POMGNT1: variants seen among roughly 807,000 people sequenced by gnomAD.
POMGNT1 encodes protein O-linked mannose N-acetylglucosaminyltransferase 1 (beta 1,2-).
In POMGNT1, 67 loss-of-function variants were observed where a neutral mutation model predicts 95.6. That is an observed-to-expected ratio of 0.70 (90% CI 0.58 to 0.86). The LOEUF (loss-of-function observed/expected upper bound fraction) is 0.86, where lower values mean the gene tolerates loss of function less well. Among genes scored for constraint, POMGNT1 ranks in the 40% least tolerant of loss-of-function variants. The pLI, the probability that POMGNT1 is intolerant of heterozygous loss-of-function variation, is 0.00. For synonymous variants in POMGNT1, 298 were observed against 317.9 expected, an observed-to-expected ratio of 0.94 and a Z score of 0.66; for missense variants, 719 against 855.2, an observed-to-expected ratio of 0.84 and a Z score of 1.99.
chr1:46,189,201 G>A lies in POMGNT1; in HGVS notation c.*69C>T. ...CTACCAGCATCTACAAAATCCTACA[G>A]GATGGAGGGAAGGGCTAGCCAGCCT... On this transcript the variant is annotated 3_prime_UTR_variant, in exon 22 of 22. Coordinates refer to ENST00000371984, the MANE Select transcript of POMGNT1 (RefSeq NM_017739.4). 1 of 1,559,934 alleles carries A rather than the reference G, an allele frequency of 6.4e-7. No homozygotes were observed. Among genetic ancestry groups the A allele is most frequent in the Middle Eastern group, 1.7e-4 (1 of 5,748 alleles).
At chr1:46,194,495 G>T in intron 8 of POMGNT1, 58 bp downstream of exon 8, 8 of 1,614,120 alleles carry the variant, frequency 5.0e-6, no homozygotes, top group Non-Finnish European at 6.8e-6. Context: ...TCCACAGAGA[G>T]ATCTAAATGC....
intron 1 of POMGNT1, among the ~76,000 whole-genome samples, chr1:46,211,191 T>G (rs1658882950): frequency 1.3e-5 from 2 of 152,176 alleles, no homozygotes; most frequent in Admixed American, 1.3e-4. Context: ...AAAGCCTGTC[T>G]GTTTAGATTC....
Position 46,188,759 on chromosome 1 carries a change from G to C in POMGNT1, c.*511C>G. 1.2e-6 allele frequency: 2 copies of C among 1,612,542 alleles called. No homozygotes were observed. The highest frequency in any genetic ancestry group is 1.7e-6 in the Non-Finnish European group (2 of 1,179,662). On this transcript the variant is annotated 3_prime_UTR_variant, in exon 22 of 22. Transcript: ENST00000371984. Reference sequence around the variant, plus strand: ...AATCTGGACAAAGAGAAGGCTGAGAGGAGGCCTGGTCCAGTGTCTAAGGGT... The same window carrying C: ...AATCTGGACAAAGAGAAGGCTGAGACGAGGCCTGGTCCAGTGTCTAAGGGT...
At chr1:46,205,718 C>A (rs1041820167) in intron 1 of POMGNT1, among the ~76,000 whole-genome samples, 1 of 152,224 alleles carries the variant, frequency 6.6e-6, no homozygotes, top group Non-Finnish European at 1.5e-5. Flanking sequence ...AGGGAGCCTT[C>A]TGGGGCCAGA....
Position 46,188,708 on chromosome 1 carries a change from C to T in POMGNT1, c.*562G>A, listed in dbSNP as rs1657504735. ...CCCAGAGGGCTTCTCCTTTTTTAAT[C>T]AATGACCAACTTATCCAGCTTTGGA... On this transcript the variant is annotated 3_prime_UTR_variant, in exon 22 of 22. Transcript: ENST00000371984. The T allele has an allele frequency of 4.4e-6, 7 of 1,596,956 alleles. No individual in the cohort carries two copies. The highest frequency in any genetic ancestry group is 6.0e-6 in the Non-Finnish European group (7 of 1,169,610).
intron 1 of POMGNT1, among the ~76,000 whole-genome samples, chr1:46,208,429 G>C (rs1462531443): frequency 1.3e-5 from 2 of 152,146 alleles, no homozygotes; most frequent in African/African-American, 4.8e-5. Flanking sequence ...ATAAATATTG[G>C]TTCCATAACT....
chr1:46,188,911 G>A lies in POMGNT1; in HGVS notation c.*359C>T, dbSNP rs1308180916. ...CATTCCAGCCCAAAAAGAAATCCAG[G>A]CCCTCCAGGTTCGGCCTGTTTTCAA... On this transcript the variant is annotated 3_prime_UTR_variant, in exon 22 of 22. Coordinates refer to ENST00000371984, the MANE Select transcript of POMGNT1 (RefSeq NM_017739.4). 1.2e-6 allele frequency: 2 copies of A among 1,612,674 alleles called. No individual in the cohort carries two copies. Among genetic ancestry groups the A allele is most frequent in the Non-Finnish European group, 8.5e-7 (1 of 1,179,898 alleles).
intron 1 of POMGNT1, among the ~76,000 whole-genome samples, chr1:46,209,440 AG>A (rs1658823957): frequency 1.3e-5 from 2 of 152,316 alleles, no homozygotes; most frequent in Admixed American, 1.3e-4. Flanking sequence ...AATGTTTAAA[AG>A]TCATATTCTA....
chr1:46,197,672 CGGT>C (rs1658351041), intron 2 of POMGNT1, 27 bp downstream of exon 2: 4 of 1,613,514 alleles, frequency 2.5e-6, no homozygotes, highest in Admixed American at 1.7e-5. Context: ...AGGGAGCGCT[CGGT>C]GGGGAGGGTT....
chr1:46,210,713 C>T (rs1323056145), intron 1 of POMGNT1, among the ~76,000 whole-genome samples: 1 of 152,168 alleles, frequency 6.6e-6, no homozygotes, highest in Non-Finnish European at 1.5e-5. Context: ...TCTGTGCTCT[C>T]CCTGGGTGCA....
intron 1 of POMGNT1, among the ~76,000 whole-genome samples, chr1:46,209,549 C>CTTTTTTTTTTTTT (rs397745964): frequency 1.6e-5 from 2 of 127,544 alleles, no homozygotes; most frequent in African/African-American, 3.0e-5. Context: ...TTTTTTTTTT[C>CTTTTTTTTTTTTT]TTTTTTTTTT....
chr1:46,193,038 C>A, intron 13 of POMGNT1, 80 bp from the exon 14 acceptor site: 1 of 1,603,300 alleles, frequency 6.2e-7, no homozygotes, highest in Non-Finnish European at 8.5e-7. Flanking sequence ...CCTCTTCTTG[C>A]AGGCAGCATT....
At chr1:46,194,715 C>T (rs905616088) in intron 7 of POMGNT1, 64 bp from the exon 8 acceptor site, 3 of 1,614,032 alleles carry the variant, frequency 1.9e-6, no homozygotes, top group African/African-American at 2.7e-5. Context: ...TTTTTCCCAT[C>T]TCCCTGCCTA....
chr1:46,201,715 GAAAA>G (rs1361582112), upstream of POMGNT1, among the ~76,000 whole-genome samples: 15 of 141,250 alleles, frequency 1.1e-4, no homozygotes. Flanking sequence ...AAAAAAAAAA[GAAAA>G]AAGAAAGAAA....
rs17102064 is a variant in POMGNT1, at chr1:46,189,685, T to G, written c.1786-118A>C. The stretch of plus-strand genomic sequence containing the variant: ...AGAAACCACCTCAATTTGTAAGAGA[T>G]AGCATCTTTTAGAATATGAATTTGG... On this transcript the variant is annotated intron_variant, in intron 20 of 21. Transcript: ENST00000371984. The G allele has an allele frequency of 4.2e-3, 6,496 of 1,545,606 alleles. 184 individuals carry two copies. The African/African-American group carries it at 0.066, about 16-fold the overall frequency.
chr1:46,203,486 C>G, intron 1 of POMGNT1: 1 of 1,530,736 alleles, frequency 6.5e-7, no homozygotes, highest in South Asian at 1.2e-5. Context: ...GTAAGGTGGG[C>G]AGGAAGACCC....
At chr1:46,193,047 T>C in intron 13 of POMGNT1, 89 bp from the exon 14 acceptor site, 1 of 1,602,926 alleles carries the variant, frequency 6.2e-7, no homozygotes, top group South Asian at 1.1e-5. Flanking sequence ...GCAGGCAGCA[T>C]TACCCCCATT....
In POMGNT1 at chr1:46,219,912, C is replaced by T. The variant is rs138998814; in HGVS notation, c.-258G>A. 3.0e-5 allele frequency: 48 copies of T among 1,613,968 alleles called. No homozygotes were observed. The Admixed American group carries it at 4.7e-4, about 16-fold the overall frequency. On this transcript the variant is annotated 5_prime_UTR_variant, in exon 1 of 23. Coordinates refer to the POMGNT1 transcript ENST00000371992. ...CCTGCCAGACACCAGCACCACCGAC[C>T]GGCTGGACAGTGTCTCTATTGGCAG...
At chr1:46,203,727 C>CA in intron 1 of POMGNT1, 1 of 1,141,316 alleles carries the variant, frequency 8.8e-7, no homozygotes, top group Non-Finnish European at 1.2e-6. Context: ...GTAGTTAAAA[C>CA]TCTCCACCTA....
Sources: allele counts gnomAD v4.1 joint callset (sites outside exome capture counted in the v4.1 genomes callset), GRCh38; gene constraint gnomAD v4.1.1; transcripts MANE v1.5; gene names NCBI Gene and HGNC (gene_info 2026-07-23, HGNC 2026-07-21).